Variants in EYS observed in about 807,000 individuals in gnomAD.
EYS encodes protein eyes shut homolog.
EYS carries 250 observed loss-of-function variants against 282.1 expected under a neutral mutation model. That is an observed-to-expected ratio of 0.89 (90% CI 0.80 to 0.98). The LOEUF (loss-of-function observed/expected upper bound fraction) is 0.98, where lower values mean the gene tolerates loss of function less well. Ranked by LOEUF, EYS falls within the 50% of genes least tolerant of loss-of-function variation. EYS has a pLI of 0.00. For synonymous variants in EYS, 1,355 were observed against 1,282.9 expected, an observed-to-expected ratio of 1.06 and a Z score of -1.20; for missense variants, 4,016 against 3,709.0, an observed-to-expected ratio of 1.08 and a Z score of -2.15.
At chr6:64,127,912 T>C (rs926768615) in intron 31 of EYS, among the ~76,000 whole-genome samples, 7 of 152,136 alleles carry the variant, frequency 4.6e-5, no homozygotes, top group Non-Finnish European at 7.4e-5. Flanking sequence ...TCTCAAAAAA[T>C]GGTCTTGATA....
intron 31 of EYS, among the ~76,000 whole-genome samples, chr6:64,191,669 T>G (rs1164431313): frequency 6.6e-6 from 1 of 152,212 alleles, no homozygotes. Context: ...CATCATTTTT[T>G]ATGGCTGCAT....
At chr6:65,219,832 C>A (rs1158371892) in intron 12 of EYS, among the ~76,000 whole-genome samples, 2 of 151,884 alleles carry the variant, frequency 1.3e-5, no homozygotes, top group Non-Finnish European at 1.5e-5. Flanking sequence ...AGAATGAGAA[C>A]CAAGAGAAAG....
intron 1 of EYS, among the ~76,000 whole-genome samples, chr6:65,671,362 T>G (rs1768385699): frequency 6.6e-6 from 1 of 152,158 alleles, no homozygotes; most frequent in African/African-American, 2.4e-5. Context: ...CTACTAATCT[T>G]ATTTTGTAAG....
At chr6:64,052,391 A>G (rs1385191844) in intron 33 of EYS, among the ~76,000 whole-genome samples, 1 of 152,158 alleles carries the variant, frequency 6.6e-6, no homozygotes, top group Non-Finnish European at 1.5e-5. Context: ...TAGCATATCA[A>G]CTTGCATCAG....
rs886061681 is a variant in EYS at position 64,886,799 on chromosome 6, C to T, written c.2890G>A (p.Glu964Lys). ...ATTTTACATTTATTTACATCAAGTT[C>T]ACAGAAGGGCCCATGGTACTCAGGT... ...CEPEYHGPFC[E>K]LDVNKCKISP... The change falls in exon 19 of 43, where the codon GAA (glutamate) becomes AAA (lysine). Residue 964 changes from glutamate (E) to lysine (K), a missense_variant. Physicochemically the swap from Glu to Lys is moderately conservative, Grantham distance 56. Transcript: ENST00000503581. The T allele has an allele frequency of 4.0e-5, 62 of 1,546,076 alleles. No homozygotes were observed. Among genetic ancestry groups the T allele is most frequent in the Non-Finnish European group, 5.0e-5 (57 of 1,143,980 alleles).
intron 31 of EYS, among the ~76,000 whole-genome samples, chr6:64,158,647 T>C (rs899036553): frequency 6.6e-6 from 1 of 152,216 alleles, no homozygotes; most frequent in Non-Finnish European, 1.5e-5. Flanking sequence ...CTTTTTTACC[T>C]GAACAATCGT....
chr6:65,668,130 T>C (rs1258433956), intron 1 of EYS, among the ~76,000 whole-genome samples: 8 of 151,860 alleles, frequency 5.3e-5, no homozygotes, highest in Admixed American at 5.3e-4. Flanking sequence ...CCACTTTATT[T>C]TGGGCTATCA....
chr6:65,153,586 C>T (rs760496550), intron 12 of EYS, among the ~76,000 whole-genome samples: 8 of 151,604 alleles, frequency 5.3e-5, no homozygotes, highest in Non-Finnish European at 1.0e-4. Flanking sequence ...TTCTTATAAA[C>T]GTTATGCTCA....
At chr6:64,668,367 A>G (rs1043396884) in intron 22 of EYS, among the ~76,000 whole-genome samples, 1 of 152,126 alleles carries the variant, frequency 6.6e-6, no homozygotes, top group Non-Finnish European at 1.5e-5. Flanking sequence ...ATACTTCACA[A>G]AAAGGTCCCC....
chr6:65,226,554 A>T (rs191482434), intron 12 of EYS, among the ~76,000 whole-genome samples: 1 of 152,288 alleles, frequency 6.6e-6, no homozygotes, highest in Admixed American at 6.5e-5. Context: ...GGAAATCCAA[A>T]TCAAAGCCAC....
chr6:65,447,057 G>A (rs1203213769), intron 5 of EYS, among the ~76,000 whole-genome samples: 1 of 151,462 alleles, frequency 6.6e-6, no homozygotes, highest in African/African-American at 2.4e-5. Context: ...GTGAGAGGAA[G>A]TGTCTCCTTT....
chr6:63,766,169 G>T (rs547259630), intron 40 of EYS, among the ~76,000 whole-genome samples: 1 of 152,076 alleles, frequency 6.6e-6, no homozygotes, highest in East Asian at 1.9e-4. Context: ...TATAGACACT[G>T]TTGCAATAAC....
chr6:65,674,695 A>C, intron 1 of EYS, among the ~76,000 whole-genome samples: 2 of 151,928 alleles, frequency 1.3e-5, no homozygotes, highest in South Asian at 2.1e-4. Context: ...AAGTTGAGGT[A>C]GTTTATAATT....
chr6:65,635,214 C>T (rs915779642), intron 2 of EYS, among the ~76,000 whole-genome samples: 1 of 152,166 alleles, frequency 6.6e-6, no homozygotes, highest in Non-Finnish European at 1.5e-5. Context: ...CCACCTCAAC[C>T]CCACAACTAT....
At chr6:64,587,816 T>C (rs1766279468) in intron 26 of EYS, among the ~76,000 whole-genome samples, 4 of 152,014 alleles carry the variant, frequency 2.6e-5, no homozygotes, top group Admixed American at 2.6e-4. Context: ...CAGTTTGGAA[T>C]TGGGTAAAAG....
intron 2 of EYS, among the ~76,000 whole-genome samples, chr6:65,596,832 G>C (rs1765425706): frequency 1.3e-5 from 2 of 152,094 alleles, no homozygotes; most frequent in East Asian, 3.9e-4. Flanking sequence ...GGATGAAAAA[G>C]CATTGTTAAT....
At chr6:63,772,652 G>C (rs981880731) in intron 40 of EYS, among the ~76,000 whole-genome samples, 2 of 151,960 alleles carry the variant, frequency 1.3e-5, no homozygotes, top group African/African-American at 4.8e-5. Flanking sequence ...GCTTGGTTAT[G>C]CTACCAACTT....
At chr6:64,095,087 G>A (rs1217089776) in intron 31 of EYS, among the ~76,000 whole-genome samples, 1 of 152,124 alleles carries the variant, frequency 6.6e-6, no homozygotes, top group African/African-American at 2.4e-5. Context: ...TTAATCCTGA[G>A]TTCTAGTTTG....
intron 12 of EYS, among the ~76,000 whole-genome samples, chr6:65,256,408 A>G (rs1222261074): frequency 7.3e-6 from 1 of 137,424 alleles, no homozygotes; most frequent in Non-Finnish European, 1.5e-5. Context: ...TCCCAATGCT[A>G]TCCCTCCCGC....
Sources: gnomAD v4.1 joint callset for allele counts (sites outside exome capture counted in the v4.1 genomes callset) on GRCh38, gnomAD v4.1.1 for gene constraint, MANE v1.5 for transcripts, NCBI Gene and HGNC (gene_info 2026-07-23, HGNC 2026-07-21) for gene names.